The following SMIM35 variants were observed in gnomAD, a reference collection of about 807,000 sequenced individuals.
SMIM35 encodes the protein small integral membrane protein 35, also known as TMPRSS4 antisense RNA 1 (non-protein coding).
chr11:118,021,917 C>A (rs2058233746), intron 1 of SMIM35, among the ~76,000 whole-genome samples: 1 of 152,110 alleles, frequency 6.6e-6, no homozygotes, highest in Admixed American at 6.5e-5. Flanking sequence ...GCTAACTTGA[C>A]CTTGTAGACA....
At chr11:118,046,863 G>T (rs1017461135) in intron 1 of SMIM35, among the ~76,000 whole-genome samples, 4 of 152,116 alleles carry the variant, frequency 2.6e-5, no homozygotes, top group African/African-American at 9.7e-5. Flanking sequence ...AATTAGTTCT[G>T]GTTATCTCAC....
In SMIM35 at chr11:118,004,162, C is replaced by T. The variant is rs1419684367; in HGVS notation, c.*2248G>A. On this transcript the variant is annotated 3_prime_UTR_variant, in exon 5 of 5. Coordinates refer to ENST00000689828, the MANE Select transcript of SMIM35 (RefSeq NM_001394165.1). ...AATCCCATCATGGAGGCCCCATCCT[C>T]ATGACCTCATCTAAACCAATTACCT... The T allele has an allele frequency of 1.3e-5, 2 of 152,244 alleles. No individual in the cohort carries two copies. Among genetic ancestry groups the T allele is most frequent in the Admixed American group, 6.5e-5 (1 of 15,282 alleles). 9.4% of individuals were successfully genotyped at this position (152,244 alleles called of 1,614,324 possible).
At chr11:118,063,066 T>C (rs1184651605) in intron 1 of SMIM35, among the ~76,000 whole-genome samples, 1 of 152,178 alleles carries the variant, frequency 6.6e-6, no homozygotes, top group Non-Finnish European at 1.5e-5. Flanking sequence ...GAAGGTATCC[T>C]ATTTGGTCTA....
intron 1 of SMIM35, among the ~76,000 whole-genome samples, chr11:118,043,332 G>A (rs1367623882): frequency 6.6e-6 from 1 of 151,614 alleles, no homozygotes; most frequent in African/African-American, 2.4e-5. Context: ...TGTATAAACA[G>A]AATGTGGTAT....
intron 1 of SMIM35, among the ~76,000 whole-genome samples, chr11:118,052,656 C>T (rs1340353031): frequency 6.6e-6 from 1 of 152,032 alleles, no homozygotes; most frequent in Non-Finnish European, 1.5e-5. Flanking sequence ...ATCGCCTACG[C>T]CCCCTTCCTT....
chr11:118,049,309 T>C (rs1040169925), intron 1 of SMIM35, among the ~76,000 whole-genome samples: 12 of 151,074 alleles, frequency 7.9e-5, no homozygotes, highest in African/African-American at 2.9e-4. Context: ...GAAGGGAAGC[T>C]GCAATTCTCG....
At chr11:118,070,719 T>G (rs1281598111) in intron 1 of SMIM35, among the ~76,000 whole-genome samples, 1 of 151,974 alleles carries the variant, frequency 6.6e-6, no homozygotes, top group Admixed American at 6.6e-5. Flanking sequence ...GAGGACTGAG[T>G]GAACAGGATG....
chr11:118,033,848 A>T (rs1287286732), intron 1 of SMIM35, among the ~76,000 whole-genome samples: 1 of 152,220 alleles, frequency 6.6e-6, no homozygotes, highest in Non-Finnish European at 1.5e-5. Flanking sequence ...GTGAACTTGA[A>T]TCTCAGTTTT....
At chr11:118,035,881 G>GTGTTTGTT (rs1555072795) in intron 1 of SMIM35, among the ~76,000 whole-genome samples, 2 of 152,066 alleles carry the variant, frequency 1.3e-5, no homozygotes, top group Non-Finnish European at 2.9e-5. Flanking sequence ...CTAATATGTG[G>GTGTTTGTT]TGTTTGTTTG....
chr11:118,057,810 C>A (rs1447504904), intron 1 of SMIM35, among the ~76,000 whole-genome samples: 1 of 152,160 alleles, frequency 6.6e-6, no homozygotes, highest in South Asian at 2.1e-4. Flanking sequence ...ATGAGGCAGA[C>A]AGCAGGCGGA....
At chr11:118,045,330 G>GCGCACACACACACACACA (rs1555073986) in intron 1 of SMIM35, among the ~76,000 whole-genome samples, 2 of 146,014 alleles carry the variant, frequency 1.4e-5, no homozygotes, top group East Asian at 4.0e-4. Flanking sequence ...ATACACACAT[G>GCGCACACACACACACACA]CACACACACA....
chr11:118,027,185 G>C (rs1258612031), intron 1 of SMIM35, among the ~76,000 whole-genome samples: 2 of 142,802 alleles, frequency 1.4e-5, no homozygotes, highest in East Asian at 4.8e-4. Context: ...CCGCCACTGC[G>C]CCCGGCTAAT....
chr11:118,072,554 G>A (rs2135144006), intron 1 of SMIM35, among the ~76,000 whole-genome samples: 1 of 152,252 alleles, frequency 6.6e-6, no homozygotes, highest in East Asian at 1.9e-4. Flanking sequence ...AAAATATCTA[G>A]GGGAAAAATG....
intron 1 of SMIM35, among the ~76,000 whole-genome samples, chr11:118,080,833 T>A (rs1945071181): frequency 6.6e-6 from 1 of 152,214 alleles, no homozygotes; most frequent in South Asian, 2.1e-4. Flanking sequence ...GCCTCAGACT[T>A]CCCAGGTGCC....
chr11:118,055,036 C>T (rs2096721), intron 1 of SMIM35, among the ~76,000 whole-genome samples: 34,470 of 152,064 alleles, frequency 0.23, 4,651 homozygotes, highest in Non-Finnish European at 0.31. Context: ...AATTCCTGAC[C>T]TCAAATGATA....
intron 1 of SMIM35, among the ~76,000 whole-genome samples, chr11:118,023,522 A>T (rs1267520882): frequency 9.7e-6 from 1 of 102,630 alleles, no homozygotes; most frequent in Non-Finnish European, 1.9e-5. Flanking sequence ...ACCCCACAAC[A>T]GTCCCCAGAG....
chr11:118,053,354 A>ACACACACACAC, intron 1 of SMIM35, among the ~76,000 whole-genome samples: 2 of 141,068 alleles, frequency 1.4e-5, no homozygotes, highest in African/African-American at 5.2e-5. Context: ...ACACACACAC[A>ACACACACACAC]AAGCTTACTA....
intron 1 of SMIM35, among the ~76,000 whole-genome samples, chr11:118,031,460 A>G (rs778042551): frequency 6.6e-6 from 1 of 152,230 alleles, no homozygotes; most frequent in Non-Finnish European, 1.5e-5. Context: ...AAAATACAAT[A>G]GGAGCATGTC....
At chr11:118,066,307 C>T (rs1841607677) in intron 1 of SMIM35, among the ~76,000 whole-genome samples, 1 of 152,090 alleles carries the variant, frequency 6.6e-6, no homozygotes, top group African/African-American at 2.4e-5. Flanking sequence ...TTGCTCTGCC[C>T]TCCTGGCTGC....
Sources: gnomAD v4.1 joint callset for allele counts (sites outside exome capture counted in the v4.1 genomes callset) on GRCh38, gnomAD v4.1.1 for gene constraint, MANE v1.5 for transcripts, NCBI Gene and HGNC (gene_info 2026-07-23, HGNC 2026-07-21) for gene names.